Variants in NRG1 observed in about 807,000 individuals in gnomAD.
NRG1 encodes the protein neuregulin 1.
Under a neutral mutation model 63.8 loss-of-function variants are expected in NRG1, and 18 were observed. That is an observed-to-expected ratio of 0.28 (90% CI 0.19 to 0.42). The LOEUF is 0.42. Among genes scored for constraint, NRG1 ranks in the 10% least tolerant of loss-of-function variants. NRG1 has a pLI of 1.00. For synonymous variants in NRG1, 302 were observed against 301.3 expected (o/e 1.00, Z -0.02); for missense variants, 762 against 814.7 (o/e 0.94, Z 0.79).
intron 1 of NRG1, among the ~76,000 whole-genome samples, chr8:32,153,988 C>G (rs1210196066): frequency 1.3e-5 from 2 of 152,182 alleles, no homozygotes; most frequent in Non-Finnish European, 2.9e-5. Flanking sequence ...GGGAACAAGT[C>G]CTACTGAACA....
At chr8:32,704,402 TC>T (rs1452702007) in intron 5 of NRG1, among the ~76,000 whole-genome samples, 1 of 152,238 alleles carries the variant, frequency 6.6e-6, no homozygotes, top group Non-Finnish European at 1.5e-5. Flanking sequence ...ACTAAATTGT[TC>T]AAGTGAGTTT....
intron 1 of NRG1, among the ~76,000 whole-genome samples, chr8:32,481,911 G>A (rs1825335386): frequency 6.6e-6 from 1 of 152,168 alleles, no homozygotes; most frequent in South Asian, 2.1e-4. Context: ...TTGTTGGGGG[G>A]TTAGTATGAA....
intron 1 of NRG1, among the ~76,000 whole-genome samples, chr8:31,948,708 GA>G (rs1223765277): frequency 1.3e-5 from 2 of 152,096 alleles, no homozygotes; most frequent in Non-Finnish European, 2.9e-5. Context: ...TTCTGATTAG[GA>G]ACTCTTGTGA....
At chr8:31,738,829 G>A (rs559288051) in intron 1 of NRG1, among the ~76,000 whole-genome samples, 8 of 152,204 alleles carry the variant, frequency 5.3e-5, no homozygotes, top group African/African-American at 1.9e-4. Context: ...GTCTCTCTCT[G>A]TGTACACATT....
intron 1 of NRG1, among the ~76,000 whole-genome samples, chr8:32,039,627 A>G (rs1230342573): frequency 1.3e-5 from 2 of 152,182 alleles, no homozygotes; most frequent in South Asian, 4.1e-4. Context: ...AATTAAACAA[A>G]CTTTTAAGAA....
intron 1 of NRG1, among the ~76,000 whole-genome samples, chr8:31,994,678 A>AAAAAAAAAT (rs67402839): frequency 6.9e-6 from 1 of 145,008 alleles, no homozygotes; most frequent in African/African-American, 2.6e-5. Context: ...AAAAAAAAAA[A>AAAAAAAAAT]GACTTCAAAT....
At chr8:32,386,187 A>T (rs901037125) in intron 1 of NRG1, among the ~76,000 whole-genome samples, 5 of 152,268 alleles carry the variant, frequency 3.3e-5, no homozygotes, top group South Asian at 4.2e-4. Flanking sequence ...CTGCAGCCTC[A>T]AACTACTGGC....
At chr8:31,901,863 A>G (rs894229095) in intron 1 of NRG1, among the ~76,000 whole-genome samples, 1 of 152,210 alleles carries the variant, frequency 6.6e-6, no homozygotes, top group Admixed American at 6.5e-5. Flanking sequence ...TTCCTTGTCA[A>G]ATGAACTCTT....
At chr8:31,918,435 C>A (rs1463714329) in intron 1 of NRG1, among the ~76,000 whole-genome samples, 2 of 152,120 alleles carry the variant, frequency 1.3e-5, no homozygotes, top group Admixed American at 6.6e-5. Flanking sequence ...TTGTCAAAGG[C>A]CTTTTCTGCA....
chr8:32,443,887 ATGAACTGTAT>A (rs1237454865), intron 1 of NRG1, among the ~76,000 whole-genome samples: 1 of 152,078 alleles, frequency 6.6e-6, no homozygotes, highest in Non-Finnish European at 1.5e-5. Context: ...TTTTGACAGT[ATGAACTGTAT>A]TGTGTGTTCT....
intron 1 of NRG1, among the ~76,000 whole-genome samples, chr8:31,775,882 C>CAAAAAAAA (rs71208140): frequency 2.8e-5 from 2 of 72,204 alleles, no homozygotes; most frequent in African/African-American, 6.4e-5. Flanking sequence ...GACTCCGTCT[C>CAAAAAAAA]AAAAAAAAAA....
chr8:31,678,026 A>G (rs1187184254), intron 1 of NRG1, among the ~76,000 whole-genome samples: 1 of 142,624 alleles, frequency 7.0e-6, no homozygotes, highest in Admixed American at 7.0e-5. Flanking sequence ...TCTGCCAATG[A>G]TAAATTAAAA....
rs115284117 is a variant in NRG1 at position 32,078,190 on chromosome 8, T to G, written c.37+438759T>G. On this transcript the variant is annotated intron_variant, in intron 1 of 10. Coordinates refer to the NRG1 transcript ENST00000519301. ...TGGGGCCTCACTGGAGGTGATTGGGTCATAGGTTCCCTCCCAGTGGTAATG... is the reference window on the plus strand; with the variant it reads ...TGGGGCCTCACTGGAGGTGATTGGGGCATAGGTTCCCTCCCAGTGGTAATG... Among the ~76,000 whole-genome samples, 384 of 152,196 alleles carry G rather than the reference T, an allele frequency of 2.5e-3. 1 individual carries two copies. The highest frequency in any genetic ancestry group is 9.0e-3 in the African/African-American group (374 of 41,524).
chr8:32,760,955 A>G, intron 11 of NRG1: 1 of 986,500 alleles, frequency 1.0e-6, no homozygotes, highest in Non-Finnish European at 1.2e-6. Flanking sequence ...ATGAAATTCC[A>G]AGAAGGGATG....
chr8:32,226,237 C>T (rs890100894), intron 1 of NRG1, among the ~76,000 whole-genome samples: 8 of 152,124 alleles, frequency 5.3e-5, no homozygotes, highest in African/African-American at 1.9e-4. Context: ...ATATTTCCGG[C>T]TCTTGATATG....
chr8:32,062,734 A>G (rs927580021), intron 1 of NRG1, among the ~76,000 whole-genome samples: 5 of 152,134 alleles, frequency 3.3e-5, no homozygotes, highest in Non-Finnish European at 4.4e-5. Context: ...TAAAAGAAAC[A>G]TGCTGGTTCT....
chr8:31,750,325 A>G (rs1339050450), intron 1 of NRG1, among the ~76,000 whole-genome samples: 1 of 151,892 alleles, frequency 6.6e-6, no homozygotes, highest in Non-Finnish European at 1.5e-5. Flanking sequence ...GCTCCAATGG[A>G]CCATTATTAT....
At chr8:31,981,840 T>C (rs1237552599) in intron 1 of NRG1, among the ~76,000 whole-genome samples, 1 of 151,888 alleles carries the variant, frequency 6.6e-6, no homozygotes, top group Non-Finnish European at 1.5e-5. Flanking sequence ...AAAAAAGGAA[T>C]ATGGTGATAA....
chr8:32,011,573 C>A (rs1461536478), intron 1 of NRG1, among the ~76,000 whole-genome samples: 2 of 151,968 alleles, frequency 1.3e-5, no homozygotes, highest in East Asian at 3.9e-4. Flanking sequence ...TGTTTTTGGT[C>A]AAAAAATTGT....
Sources: allele counts gnomAD v4.1 joint callset (sites outside exome capture counted in the v4.1 genomes callset), GRCh38; gene constraint gnomAD v4.1.1; transcripts MANE v1.5; gene names NCBI Gene and HGNC (gene_info 2026-07-23, HGNC 2026-07-21).